Variants in PIP5K1A observed in about 807,000 individuals in gnomAD.
PIP5K1A encodes phosphatidylinositol 4-phosphate 5-kinase type-1 alpha.
Under a neutral mutation model 72.9 loss-of-function variants are expected in PIP5K1A, and 46 were observed. The ratio of observed to expected loss-of-function variants is 0.63; its 90% CI spans 0.50 to 0.81. The LOEUF is 0.81. Ranked by LOEUF, PIP5K1A falls within the 30% of genes least tolerant of loss-of-function variation. The probability of loss-of-function intolerance (pLI) is 0.00; values close to 1 mark genes in which losing one functional copy is unlikely to be tolerated. For synonymous variants in PIP5K1A, 228 were observed against 255.1 expected, an observed-to-expected ratio of 0.89 and a Z score of 1.01; for missense variants, 458 against 706.1, an observed-to-expected ratio of 0.65 and a Z score of 3.98.
At chr1:151,208,648 T>C (rs1366120206) in intron 1 of PIP5K1A, among the ~76,000 whole-genome samples, 1 of 150,552 alleles carries the variant, frequency 6.6e-6, no homozygotes, top group Non-Finnish European at 1.5e-5. Flanking sequence ...TGTGAGCCAC[T>C]GCGTCCGGCC....
chr1:151,247,786 A>C (rs1424013020), intron 15 of PIP5K1A, 77 bp from the exon 16 acceptor site: 1 of 1,258,372 alleles, frequency 7.9e-7, no homozygotes, highest in Non-Finnish European at 1.1e-6. Context: ...GCTGAAATAG[A>C]AATTTCTTAA....
chr1:151,210,084 A>G (rs1686577962), intron 1 of PIP5K1A, among the ~76,000 whole-genome samples: 1 of 151,692 alleles, frequency 6.6e-6, no homozygotes, highest in Admixed American at 6.6e-5. Flanking sequence ...GGGTTTTGCC[A>G]TGTTAGCCAG....
In PIP5K1A at chr1:151,220,422, A is replaced by C. The variant is rs936454483; in HGVS notation, c.86-3823A>C. On this transcript the variant is annotated intron_variant, in intron 1 of 15. Coordinates refer to ENST00000368888, the MANE Select transcript of PIP5K1A (RefSeq NM_001135638.2). ...TTACATTATAAAATTCCTCAGATGC[A>C]TGTGAAGTAGAGAGAATAGTATAAT... 2.0e-5 allele frequency among the ~76,000 whole-genome samples: 3 copies of C among 151,296 alleles called. 1 individual carries two copies. Among genetic ancestry groups the C allele is most frequent in the African/African-American group, 7.3e-5 (3 of 41,156 alleles).
At chr1:151,209,870 C>A (rs954166626) in intron 1 of PIP5K1A, among the ~76,000 whole-genome samples, 2 of 151,868 alleles carry the variant, frequency 1.3e-5, no homozygotes, top group African/African-American at 4.8e-5. Flanking sequence ...CCACGACTAG[C>A]CTGCATTTTT....
At chr1:151,225,371 A>C (rs587622950) in intron 3 of PIP5K1A, among the ~76,000 whole-genome samples, 15 of 151,744 alleles carry the variant, frequency 9.9e-5, no homozygotes, top group Admixed American at 4.6e-4. Flanking sequence ...AAACTTAATG[A>C]GTATTGATGT....
At position 151,242,556 on chromosome 1, in the gene PIP5K1A, G is replaced by A. The variant is rs778818618; in HGVS notation, c.1629G>A (p.Met543Ile). 6.2e-7 allele frequency: 1 copy of A among 1,613,922 alleles called. No homozygotes were observed. The highest frequency in any genetic ancestry group is 8.5e-7 in the Non-Finnish European group (1 of 1,179,806). ...CTCTAGTTGGAGAGACTTTGCAAAT[G>A]CTAACTACAAGGTTGGTTTATTGGC... ...FSPLVGETLQ[M>I]LTTSTTLEKL... The change falls in exon 14 of 16, where the codon ATG (methionine) becomes ATA (isoleucine). Residue 543 changes from methionine (M) to isoleucine (I), a missense_variant. By Grantham distance (10) the Met-to-Ile change is conservative. Transcript: ENST00000368888.
At chr1:151,227,129 T>C (rs1028437500) in intron 3 of PIP5K1A, 191 bp from the exon 4 acceptor site, 2 of 457,612 alleles carry the variant, frequency 4.4e-6, no homozygotes, top group African/African-American at 2.0e-5. Flanking sequence ...CTGTGATCTT[T>C]TAGCCACTTA....
intron 4 of PIP5K1A, among the ~76,000 whole-genome samples, 192 bp from the exon 5 acceptor site, chr1:151,231,479 T>C (rs1690062789): frequency 6.6e-6 from 1 of 152,160 alleles, no homozygotes; most frequent in South Asian, 2.1e-4. Context: ...GTCCTTCCAA[T>C]CTTTACTAAG....
At chr1:151,219,991 C>G (rs182033697) in intron 1 of PIP5K1A, among the ~76,000 whole-genome samples, 3 of 151,012 alleles carry the variant, frequency 2.0e-5, no homozygotes, top group African/African-American at 4.9e-5. Context: ...GTGCTCAATG[C>G]CTGTCTCTGT....
intron 3 of PIP5K1A, among the ~76,000 whole-genome samples, chr1:151,225,192 A>G (rs1688926257): frequency 6.6e-6 from 1 of 152,062 alleles, no homozygotes; most frequent in Admixed American, 6.6e-5. Flanking sequence ...AACATTAGCC[A>G]GGTGCACACC....
intron 1 of PIP5K1A, among the ~76,000 whole-genome samples, chr1:151,211,828 G>A (rs1029809495): frequency 6.7e-6 from 1 of 150,098 alleles, no homozygotes; most frequent in African/African-American, 2.5e-5. Context: ...AAAAGGCCGG[G>A]TGCGGTGGCT....
rs149859094 is a variant in PIP5K1A at position 151,203,453 on chromosome 1, C to G, written c.85+4372C>G. On this transcript the variant is annotated intron_variant, in intron 1 of 15. Coordinates refer to ENST00000368888, the MANE Select transcript of PIP5K1A (RefSeq NM_001135638.2). ...CTGAGGCAGGAGAATTGCTTGAACC[C>G]GGGGGACAGAGGTTGCAATGAGTCA... 7.2e-3 allele frequency among the ~76,000 whole-genome samples: 1,084 copies of G among 149,924 alleles called. 13 individuals are homozygous for G. Among genetic ancestry groups the G allele is most frequent in the African/African-American group, 0.025 (1,013 of 40,740 alleles).
At chr1:151,205,048 A>G (rs1410545959) in intron 1 of PIP5K1A, among the ~76,000 whole-genome samples, 7 of 152,160 alleles carry the variant, frequency 4.6e-5, no homozygotes, top group African/African-American at 1.7e-4. Context: ...TTTTTCTTGG[A>G]TAATAAAGTG....
chr1:151,215,155 C>G (rs1156467281), intron 1 of PIP5K1A, among the ~76,000 whole-genome samples: 3 of 148,128 alleles, frequency 2.0e-5, no homozygotes, highest in African/African-American at 7.5e-5. Flanking sequence ...CTCAGCCTCC[C>G]GAGTAGCTGG....
At chr1:151,202,329 G>A (rs1366947517) in intron 1 of PIP5K1A, among the ~76,000 whole-genome samples, 4 of 152,138 alleles carry the variant, frequency 2.6e-5, no homozygotes, top group South Asian at 2.1e-4. Context: ...TGGTTGACAC[G>A]CACACTTCTT....
chr1:151,226,298 G>A (rs587767170), intron 3 of PIP5K1A, among the ~76,000 whole-genome samples: 19 of 151,762 alleles, frequency 1.3e-4, no homozygotes, highest in Admixed American at 5.9e-4. Flanking sequence ...TCTTGGCCAG[G>A]CTGGTCTTGA....
chr1:151,200,499 C>T (rs1267845561), intron 1 of PIP5K1A, among the ~76,000 whole-genome samples: 1 of 152,056 alleles, frequency 6.6e-6, no homozygotes, highest in African/African-American at 2.4e-5. Flanking sequence ...GCTGCTTCTA[C>T]ACTGGAATAG....
intron 1 of PIP5K1A, among the ~76,000 whole-genome samples, chr1:151,206,861 G>A (rs1175851032): frequency 1.4e-5 from 2 of 146,724 alleles, no homozygotes; most frequent in Non-Finnish European, 3.0e-5. Flanking sequence ...CCACCTTCCC[G>A]GCTATTTTTG....
chr1:151,232,199 TG>T, intron 5 of PIP5K1A, 48 bp from the exon 6 acceptor site: 1 of 1,239,756 alleles, frequency 8.1e-7, no homozygotes, highest in African/African-American at 1.5e-5. Context: ...GTAGATTCTC[TG>T]GATGATAGGG....
Sources: gnomAD v4.1 joint callset for allele counts (sites outside exome capture counted in the v4.1 genomes callset) on GRCh38, gnomAD v4.1.1 for gene constraint, MANE v1.5 for transcripts, NCBI Gene and HGNC (gene_info 2026-07-23, HGNC 2026-07-21) for gene names.